Variants in RAI14 observed in about 807,000 individuals in gnomAD.
The protein encoded by RAI14 is retinoic acid induced 14.
A neutral mutation model predicts 115.4 loss-of-function variants in RAI14; 45 were observed. The observed-to-expected ratio is 0.39, with a 90% confidence interval of 0.31 to 0.50. RAI14 has a LOEUF of 0.50. RAI14 is among the 20% of genes least tolerant of loss of function. RAI14 has a pLI of 0.85. For synonymous variants in RAI14, 371 were observed against 415.4 expected (o/e 0.89, Z 1.30); for missense variants, 939 against 1,131.2 (o/e 0.83, Z 2.44).
At chr5:34,752,749 G>GTGTGTGTGTGTA (rs371462831) in intron 2 of RAI14, among the ~76,000 whole-genome samples, 3 of 107,054 alleles carry the variant, frequency 2.8e-5, no homozygotes, top group Non-Finnish European at 5.5e-5. Context: ...GTGTGTGTGT[G>GTGTGTGTGTGTA]TATATATATA....
intron 1 of RAI14, among the ~76,000 whole-genome samples, chr5:34,673,378 C>A (rs1208155937): frequency 6.6e-6 from 1 of 152,200 alleles, no homozygotes; most frequent in Non-Finnish European, 1.5e-5. Flanking sequence ...TAAACATGCC[C>A]TCCTTAACCT....
At chr5:34,763,418 A>G (rs1056689541) in intron 3 of RAI14, among the ~76,000 whole-genome samples, 8 of 152,212 alleles carry the variant, frequency 5.3e-5, no homozygotes, top group Non-Finnish European at 1.0e-4. Flanking sequence ...TGTAATTGCT[A>G]TATCCACTCT....
intron 3 of RAI14, among the ~76,000 whole-genome samples, chr5:34,772,860 G>T (rs1750352653): frequency 6.6e-6 from 1 of 152,138 alleles, no homozygotes; most frequent in African/African-American, 2.4e-5. Flanking sequence ...ACTCTTATTA[G>T]CACTGAAACC....
chr5:34,763,249 T>A (rs1330027058), intron 3 of RAI14, among the ~76,000 whole-genome samples: 1 of 152,176 alleles, frequency 6.6e-6, no homozygotes, highest in African/African-American at 2.4e-5. Context: ...TACCACCTGA[T>A]CAGCTCTCTC....
chr5:34,810,472 A>G (rs1384580223), intron 7 of RAI14, among the ~76,000 whole-genome samples: 1 of 152,128 alleles, frequency 6.6e-6, no homozygotes, highest in Non-Finnish European at 1.5e-5. Context: ...CCATTTCTTT[A>G]TCTAGTCATG....
At chr5:34,822,841 G>C in intron 14 of RAI14, 115 bp from the exon 15 acceptor site, 2 of 916,540 alleles carry the variant, frequency 2.2e-6, no homozygotes, top group Non-Finnish European at 3.2e-6. Flanking sequence ...CCGCCACCAC[G>C]CCCGGCTAAT....
In RAI14 at chr5:34,824,129, G is replaced by C; in HGVS notation, c.2287G>C (p.Val763Leu). ...NLKEHLASKEVEVAKLEKQLL... is the reference protein window; with the variant it reads ...NLKEHLASKELEVAKLEKQLL... ...TAAGGAACACCTTGCAAGCAAGGAA[G>C]TGGAAGTAGCAAAGCTGGAGAAACA... The change falls in exon 15 of 18, where the codon GTG becomes CTG. Residue 763 changes from valine (V) to leucine (L), a missense_variant. Val to Leu is a conservative substitution (Grantham distance 32, BLOSUM62 1). Coordinates refer to ENST00000265109, the MANE Select transcript of RAI14 (RefSeq NM_015577.3). 1 of 1,614,028 alleles carries C rather than the reference G, an allele frequency of 6.2e-7. No individual in the cohort carries two copies. Among genetic ancestry groups the C allele is most frequent in the Non-Finnish European group, 8.5e-7 (1 of 1,179,878 alleles).
At chr5:34,783,041 T>C (rs1329052264) in intron 3 of RAI14, among the ~76,000 whole-genome samples, 1 of 152,344 alleles carries the variant, frequency 6.6e-6, no homozygotes, top group Admixed American at 6.5e-5. Flanking sequence ...TCAGAAAGCA[T>C]GTGTAACTGT....
At chr5:34,672,605 G>A (rs1453083875) in intron 1 of RAI14, among the ~76,000 whole-genome samples, 2 of 152,288 alleles carry the variant, frequency 1.3e-5, no homozygotes, top group Middle Eastern at 3.4e-3. Context: ...TTCTGTGACA[G>A]AAAAATATCT....
intron 4 of RAI14, among the ~76,000 whole-genome samples, 198 bp from the exon 5 acceptor site, chr5:34,803,514 G>A (rs34242665): frequency 0.4 from 60,058 of 151,522 alleles, 12,404 homozygotes; most frequent in Admixed American, 0.52. Context: ...CCATGATCGC[G>A]TCACTGCATT....
intron 2 of RAI14, among the ~76,000 whole-genome samples, chr5:34,690,965 A>G (rs1343013701): frequency 6.6e-6 from 1 of 152,244 alleles, no homozygotes; most frequent in Non-Finnish European, 1.5e-5. Context: ...AGTATAGAAT[A>G]TAGATACTCA....
At position 34,823,161 on chromosome 5, in the gene RAI14, A is replaced by C; in HGVS notation, c.1319A>C (p.Asp440Ala). Residue 440 changes from aspartate (D) to alanine (A), a missense_variant, in exon 15 of 18, where the codon GAT becomes GCT. By Grantham distance (126) the Asp-to-Ala change is moderately radical. Coordinates refer to ENST00000265109, the MANE Select transcript of RAI14 (RefSeq NM_015577.3). This position sits in a 1 kb window ranked among gnomAD's most constrained non-coding sequence, Gnocchi z 4.5. ...CAGCAACTGCAAGAGATTTTGCAAGATCTACAGAAGAGATTAGAGAGCTCT... is the reference window on the plus strand; with the variant it reads ...CAGCAACTGCAAGAGATTTTGCAAGCTCTACAGAAGAGATTAGAGAGCTCT... ...RIQQLQEILQDLQKRLESSEA... is the reference protein window; with the variant it reads ...RIQQLQEILQALQKRLESSEA... The C allele has an allele frequency of 1.9e-6, 3 of 1,613,442 alleles. No homozygotes were observed. Among genetic ancestry groups the C allele is most frequent in the Non-Finnish European group, 2.5e-6 (3 of 1,179,330 alleles).
intron 2 of RAI14, among the ~76,000 whole-genome samples, chr5:34,735,421 A>AT (rs1270599051): frequency 6.6e-6 from 1 of 152,098 alleles, no homozygotes; most frequent in African/African-American, 2.4e-5. Context: ...ATTACTGAAG[A>AT]TTTTTTTACA....
At chr5:34,721,598 A>G (rs1305559439) in intron 2 of RAI14, among the ~76,000 whole-genome samples, 1 of 152,168 alleles carries the variant, frequency 6.6e-6, no homozygotes, top group African/African-American at 2.4e-5. Context: ...TGGCAAATCA[A>G]TGCCAGCAAT....
intron 1 of RAI14, among the ~76,000 whole-genome samples, chr5:34,671,902 C>T (rs1743646912): frequency 6.6e-6 from 1 of 151,934 alleles, no homozygotes; most frequent in Non-Finnish European, 1.5e-5. Context: ...ACATATTATT[C>T]TTATAAAGAA....
chr5:34,694,414 G>T (rs555643541), intron 2 of RAI14, among the ~76,000 whole-genome samples: 6 of 152,282 alleles, frequency 3.9e-5, no homozygotes, highest in African/African-American at 1.4e-4. Flanking sequence ...AGGGGCCAGC[G>T]TTGGCCAAAG....
chr5:34,740,157 G>C (rs1580090690), intron 2 of RAI14, among the ~76,000 whole-genome samples: 1 of 152,224 alleles, frequency 6.6e-6, no homozygotes, highest in Admixed American at 6.5e-5. Context: ...TAAGTGATAA[G>C]AAGTTGTGTA....
chr5:34,777,500 C>A (rs530650753), intron 3 of RAI14, among the ~76,000 whole-genome samples: 1 of 152,296 alleles, frequency 6.6e-6, no homozygotes, highest in South Asian at 2.1e-4. Flanking sequence ...CTGATCTCAG[C>A]TGAGCGTGGT....
Position 34,811,109 on chromosome 5 carries a change from A to G in RAI14, c.548A>G (p.Lys183Arg). The change falls in exon 8 of 18, where the codon AAA (lysine) becomes AGA (arginine). Residue 183 changes from lysine to arginine, a missense_variant. Physicochemically the swap from Lys to Arg is conservative, Grantham distance 26 (BLOSUM62 2). Coordinates refer to ENST00000265109, the MANE Select transcript of RAI14 (RefSeq NM_015577.3). Reference sequence around the variant, plus strand: ...GGAGCAGATGTCAATTCCAGGAACAAAAGTGGAAGGTACTCCAGAATTAGG... The same window carrying G: ...GGAGCAGATGTCAATTCCAGGAACAGAAGTGGAAGGTACTCCAGAATTAGG... ...DHGADVNSRN[K>R]SGRTALMLAC... 1.9e-6 allele frequency: 3 copies of G among 1,614,064 alleles called. No individual in the cohort carries two copies. Among genetic ancestry groups the G allele is most frequent in the Non-Finnish European group, 2.5e-6 (3 of 1,180,006 alleles).
Sources: gnomAD v4.1 joint callset for allele counts (sites outside exome capture counted in the v4.1 genomes callset) on GRCh38, gnomAD v4.1.1 for gene constraint, Gnocchi (gnomAD v3.1) non-coding constraint, MANE v1.5 for transcripts, NCBI Gene and HGNC (gene_info 2026-07-23, HGNC 2026-07-21) for gene names.